The following SHANK2 variants were observed in gnomAD, a reference collection of about 807,000 sequenced individuals.
SHANK2 encodes the protein SH3 and multiple ankyrin repeat domains protein 2.
A neutral mutation model predicts 133.7 loss-of-function variants in SHANK2; 43 were observed. That is an observed-to-expected ratio of 0.32 (90% CI 0.25 to 0.41). The LOEUF (loss-of-function observed/expected upper bound fraction) is 0.41. Ranked by LOEUF, SHANK2 falls within the 10% of genes least tolerant of loss-of-function variation. SHANK2 has a pLI of 1.00. For synonymous variants in SHANK2, 1,017 were observed against 952.8 expected (o/e 1.07, Z -1.24); for missense variants, 1,994 against 2,235.8 (o/e 0.89, Z 2.18).
intron 17 of SHANK2, among the ~76,000 whole-genome samples, chr11:70,587,504 T>C (rs972368316): frequency 2.0e-5 from 3 of 151,744 alleles, no homozygotes; most frequent in Non-Finnish European, 4.4e-5. Flanking sequence ...CAGGAAAAAA[T>C]ATTCCCCACA....
intron 10 of SHANK2, among the ~76,000 whole-genome samples, chr11:70,926,162 CT>C (rs1555081564): frequency 6.6e-6 from 1 of 151,904 alleles, no homozygotes; most frequent in African/African-American, 2.4e-5. Flanking sequence ...AGTAACAGCA[CT>C]TTGGGAGGCC....
At chr11:70,729,272 C>T (rs1273087985) in intron 14 of SHANK2, among the ~76,000 whole-genome samples, 3 of 151,744 alleles carry the variant, frequency 2.0e-5, no homozygotes, top group Non-Finnish European at 4.4e-5. Context: ...GTCTCAGGAA[C>T]TTCCTGCTCA....
intron 14 of SHANK2, among the ~76,000 whole-genome samples, chr11:70,719,897 C>T (rs1357216679): frequency 6.6e-6 from 1 of 152,016 alleles, no homozygotes; most frequent in African/African-American, 2.4e-5. Flanking sequence ...GCTCCACCTT[C>T]CCTGAAGTCC....
chr11:70,621,360 AAGC>A, intron 17 of SHANK2, among the ~76,000 whole-genome samples: 1 of 152,354 alleles, frequency 6.6e-6, no homozygotes, highest in South Asian at 2.1e-4. Context: ...GGAACATGCG[AAGC>A]AGAACCCAGA....
At position 70,690,263 on chromosome 11, in the gene SHANK2, A is replaced by G. The variant is rs563306885; in HGVS notation, c.1853+8425T>C. On this transcript the variant is annotated intron_variant, in intron 15 of 25. Coordinates refer to ENST00000601538, the MANE Select transcript of SHANK2 (RefSeq NM_012309.5). ...AAGAAGCCATAATTTTTCTCCCACG[A>G]GAAAAAAAAAGGCAATCAGAAACTC... 3.9e-5 allele frequency among the ~76,000 whole-genome samples: 6 copies of G among 152,184 alleles called. No homozygotes were observed. In the South Asian group the frequency reaches 8.3e-4, roughly 21 times the overall value.
chr11:70,813,888 T>C (rs1555053723), intron 12 of SHANK2, among the ~76,000 whole-genome samples: 1 of 152,110 alleles, frequency 6.6e-6, no homozygotes, highest in African/African-American at 2.4e-5. Context: ...GGTGACGGCA[T>C]CTCTGAGGAT....
At chr11:70,948,307 G>T (rs1555085843) in intron 10 of SHANK2, 1 of 457,286 alleles carries the variant, frequency 2.2e-6, no homozygotes, top group Admixed American at 2.3e-5. Context: ...TATCTAATGT[G>T]CACTTCCAGA....
chr11:71,159,238 G>A (rs1275650905), intron 2 of SHANK2, among the ~76,000 whole-genome samples: 2 of 152,154 alleles, frequency 1.3e-5, no homozygotes, highest in East Asian at 1.9e-4. Context: ...TGCCTTTCTC[G>A]CATGTTGGTG....
chr11:71,095,890 A>C (rs575239121), intron 6 of SHANK2, among the ~76,000 whole-genome samples: 1 of 151,714 alleles, frequency 6.6e-6, no homozygotes, highest in East Asian at 1.9e-4. Context: ...TCTCCATGTG[A>C]AAAGCAGGCT....
Position 70,473,586 on chromosome 11 carries a change from GC to G in SHANK2, c.4980-148del. ...TCCACTGGCAGTGAACGAATGATTT[GC>G]CATGCCAGGGTGGGGGAGGGGGAGA... is the stretch of plus-strand genomic sequence containing the variant. On this transcript the variant is annotated intron_variant, in intron 25 of 25. Coordinates refer to ENST00000601538, the MANE Select transcript of SHANK2 (RefSeq NM_012309.5). The surrounding 1 kb of genome is among the most constrained non-coding windows in gnomAD (Gnocchi z 5.9). 1.2e-6 allele frequency: 1 copy of G among 803,012 alleles called. No homozygotes were observed. Among genetic ancestry groups the G allele is most frequent in the East Asian group, 2.7e-5 (1 of 37,298 alleles). The allele number at this position is 803,012 out of a possible 1,614,324, so 49.7% of individuals were successfully genotyped here.
intron 1 of SHANK2, among the ~76,000 whole-genome samples, chr11:71,236,723 A>G (rs1178731591): frequency 6.6e-6 from 1 of 152,178 alleles, no homozygotes; most frequent in Non-Finnish European, 1.5e-5. Context: ...TCCCTCATGT[A>G]TTGCCTTTGA....
intron 14 of SHANK2, among the ~76,000 whole-genome samples, chr11:70,732,590 C>T (rs1344519964): frequency 2.0e-5 from 3 of 152,226 alleles, no homozygotes; most frequent in South Asian, 4.1e-4. Flanking sequence ...CTAGAAGCTA[C>T]AGCCGCGCTG....
intron 14 of SHANK2, among the ~76,000 whole-genome samples, chr11:70,751,271 T>C (rs1946744241): frequency 6.6e-6 from 1 of 152,142 alleles, no homozygotes; most frequent in Admixed American, 6.5e-5. Context: ...AAATATATAC[T>C]GAAAGCAGCT....
At chr11:70,921,486 G>A (rs782443665) in intron 10 of SHANK2, among the ~76,000 whole-genome samples, 1 of 152,252 alleles carries the variant, frequency 6.6e-6, no homozygotes, top group Non-Finnish European at 1.5e-5. Flanking sequence ...GGAGTTGTCT[G>A]GGCTAGAGGA....
At chr11:70,740,122 C>T (rs1724018318) in intron 14 of SHANK2, among the ~76,000 whole-genome samples, 2 of 151,020 alleles carry the variant, frequency 1.3e-5, no homozygotes, top group Admixed American at 1.3e-4. Flanking sequence ...GCACCTAGGA[C>T]AGACAGTGCC....
At chr11:70,645,622 G>A (rs1433526524) in intron 17 of SHANK2, among the ~76,000 whole-genome samples, 2 of 152,150 alleles carry the variant, frequency 1.3e-5, no homozygotes, top group African/African-American at 4.8e-5. Flanking sequence ...TACAACAAGA[G>A]AATGATGCAT....
chr11:70,624,935 A>G (rs1294870401), intron 17 of SHANK2, among the ~76,000 whole-genome samples: 1 of 152,168 alleles, frequency 6.6e-6, no homozygotes, highest in African/African-American at 2.4e-5. Flanking sequence ...CCAGGAGTTT[A>G]GCCAATGTAC....
chr11:70,714,280 C>T (rs782096220), intron 14 of SHANK2, among the ~76,000 whole-genome samples: 12 of 152,228 alleles, frequency 7.9e-5, no homozygotes, highest in African/African-American at 2.7e-4. Context: ...CCCAGATCAC[C>T]GTGGCGCAGC....
intron 11 of SHANK2, among the ~76,000 whole-genome samples, chr11:70,854,030 G>C (rs1949131248): frequency 6.6e-6 from 1 of 152,126 alleles, no homozygotes; most frequent in Admixed American, 6.5e-5. Flanking sequence ...GGTTCAAGTT[G>C]GACATGAAAT....
Sources: gnomAD v4.1 joint callset for allele counts (sites outside exome capture counted in the v4.1 genomes callset) on GRCh38, gnomAD v4.1.1 for gene constraint, Gnocchi (gnomAD v3.1) non-coding constraint, MANE v1.5 for transcripts, NCBI Gene and HGNC (gene_info 2026-07-23, HGNC 2026-07-21) for gene names.